The following ZNF208 variants were observed in gnomAD, a reference collection of about 807,000 sequenced individuals.
ZNF208 encodes the protein zinc finger protein 208.
ZNF208 carries 10 observed loss-of-function variants against 12.1 expected under a neutral mutation model. That is an observed-to-expected ratio of 0.83 (90% CI 0.51 to 1.40). The LOEUF is 1.40. Among genes scored for constraint, ZNF208 ranks in the 40% most tolerant of loss-of-function variants. The pLI is 0.00. For synonymous variants in ZNF208, 497 were observed against 488.4 expected, an observed-to-expected ratio of 1.02 and a Z score of -0.23; for missense variants, 1,652 against 1,485.0, an observed-to-expected ratio of 1.11 and a Z score of -1.85.
intron 1 of ZNF208, chr19:21,991,567 C>T (rs1442881905): frequency 6.6e-6 from 1 of 151,552 alleles, no homozygotes; most frequent in African/African-American, 2.4e-5. Flanking sequence ...ATGGAGAAAC[C>T]CTGTCTCCAC....
At chr19:21,975,204 G>A (rs1970406943) in intron 3 of ZNF208, among the ~76,000 whole-genome samples, 1 of 151,832 alleles carries the variant, frequency 6.6e-6, no homozygotes, top group African/African-American at 2.4e-5. Flanking sequence ...TAAAATATTG[G>A]CACAAAAAAT....
In ZNF208 at chr19:21,969,376, C is replaced by T. The variant is rs1023165293; in HGVS notation, c.*1815G>A. On this transcript the variant is annotated 3_prime_UTR_variant, in exon 4 of 4. Coordinates refer to ENST00000397126, the MANE Select transcript of ZNF208 (RefSeq NM_007153.3). ...CTTTTAAAGTTATATACAAATAATT[C>T]TTCTTTTTGCCAACTTTAGTTTTGG... 6.7e-4 allele frequency among the ~76,000 whole-genome samples: 102 copies of T among 152,034 alleles called. No individual in the cohort carries two copies. Among genetic ancestry groups the T allele is most frequent in the African/African-American group, 2.4e-3 (99 of 41,514 alleles).
At chr19:21,982,431 AC>A (rs1970559407) in intron 3 of ZNF208, among the ~76,000 whole-genome samples, 1 of 151,688 alleles carries the variant, frequency 6.6e-6, no homozygotes, top group Non-Finnish European at 1.5e-5. Context: ...AAATGGCCAT[AC>A]TGCCCAAGGT....
chr19:21,974,179 G>T lies in ZNF208; in HGVS notation c.855C>A (p.Asn285Lys). 1 of 1,604,252 alleles carries T rather than the reference G, an allele frequency of 6.2e-7. No homozygotes were observed. Among genetic ancestry groups the T allele is most frequent in the Non-Finnish European group, 8.5e-7 (1 of 1,172,200 alleles). Residue 285 changes from asparagine to lysine, a missense_variant, in exon 4 of 4, where the codon AAC (asparagine) becomes AAA (lysine). Physicochemically the swap from Asn to Lys is moderately conservative, Grantham distance 94 (BLOSUM62 0). Coordinates refer to ENST00000397126, the MANE Select transcript of ZNF208 (RefSeq NM_007153.3). ...HKIIHTGEKP[N>K]KCEECGKAFS... Reference sequence around the variant, plus strand: ...AGGCTTTGCCACATTCTTCACATTTGTTGGGTTTCTCTCCAGTATGAATTA... The same window carrying T: ...AGGCTTTGCCACATTCTTCACATTTTTTGGGTTTCTCTCCAGTATGAATTA...
At chr19:21,963,876 G>C (rs1970118178), downstream of ZNF208, among the ~76,000 whole-genome samples, 1 of 152,002 alleles carries the variant, frequency 6.6e-6, no homozygotes, top group African/African-American at 2.4e-5. Flanking sequence ...ATAGGGAGCT[G>C]ACAAAGAGTA....
intron 4 of ZNF208, among the ~76,000 whole-genome samples, chr19:21,951,232 G>A (rs551017454): frequency 1.5e-4 from 23 of 152,220 alleles, no homozygotes; most frequent in Admixed American, 1.4e-3. Flanking sequence ...TAACTATACT[G>A]GAAGAAGTCA....
At chr19:21,960,168 G>A (rs1970040659) in intron 4 of ZNF208, among the ~76,000 whole-genome samples, 2 of 152,032 alleles carry the variant, frequency 1.3e-5, no homozygotes, top group African/African-American at 4.8e-5. Flanking sequence ...ATTACCAGGG[G>A]CTAGAAAATT....
intron 4 of ZNF208, among the ~76,000 whole-genome samples, chr19:21,949,764 T>A (rs75259020): frequency 5.9e-5 from 9 of 152,166 alleles, no homozygotes; most frequent in Admixed American, 2.0e-4. Flanking sequence ...AGCAAGAAAC[T>A]TGACTTGATG....
downstream of ZNF208, among the ~76,000 whole-genome samples, chr19:21,961,722 C>T (rs1051886779): frequency 4.6e-5 from 7 of 152,032 alleles, no homozygotes; most frequent in Non-Finnish European, 1.0e-4. Context: ...ATAATCCTTG[C>T]TAGGAAAAGA....
Position 22,010,931 on chromosome 19 carries a change from CGA to C in ZNF208, c.-139_-138del, listed in dbSNP as rs1971139659. ...ACGAGACCTTGACCTCCGGCTGCAG[CGA>C]GAGACAAAGGACCGACCACATCCCG... is the stretch of plus-strand genomic sequence containing the variant. On this transcript the variant is annotated 5_prime_UTR_variant, in exon 1 of 4. Transcript: ENST00000397126. The C allele has an allele frequency of 2.2e-6, 3 of 1,336,784 alleles. No homozygotes were observed. The South Asian group carries it at 3.7e-5, about 17-fold the overall frequency. The allele number at this position is 1,336,784 out of a possible 1,614,324, so 82.8% of individuals were successfully genotyped here. A position where few individuals can be genotyped will look rare whatever the true frequency, so the allele number is the denominator to read the frequency against.
In ZNF208 at chr19:21,972,853, G is replaced by T. The variant is rs564057758; in HGVS notation, c.2181C>A (p.Gly727=). The change falls in exon 4 of 4, where the codon GGC becomes GGA. Residue 727 remains glycine (G), a synonymous_variant. Coordinates refer to ENST00000397126, the MANE Select transcript of ZNF208 (RefSeq NM_007153.3). ...GGACTGAGAATGTACTAAAGCTTTT[G>T]CCACATTCTTCACATTTGTAGGGTT... is the stretch of plus-strand genomic sequence containing the variant. ...GEKPYKCEEC[G]KSFSTFSVLT... The T allele has an allele frequency of 6.2e-7, 1 of 1,612,882 alleles. No homozygotes were observed. Among genetic ancestry groups the T allele is most frequent in the East Asian group, 2.2e-5 (1 of 44,790 alleles).
intron 4 of ZNF208, among the ~76,000 whole-genome samples, chr19:21,948,679 T>C (rs1288451104): frequency 6.6e-6 from 1 of 152,152 alleles, no homozygotes; most frequent in African/African-American, 2.4e-5. Context: ...CTGATACATA[T>C]ATAGAGTCTT....
intron 4 of ZNF208, among the ~76,000 whole-genome samples, chr19:21,956,457 A>G (rs981980770): frequency 3.3e-5 from 5 of 152,212 alleles, no homozygotes; most frequent in African/African-American, 1.2e-4. Context: ...AGAGGCAGGC[A>G]GGCCTCCTTG....
downstream of ZNF208, among the ~76,000 whole-genome samples, chr19:21,962,712 T>C (rs534255849): frequency 7.2e-5 from 11 of 152,082 alleles, no homozygotes; most frequent in Non-Finnish European, 1.5e-4. Context: ...TTCTCAGAAA[T>C]AAACAACACT....
At chr19:21,947,284 C>T (rs1446418578) in intron 4 of ZNF208, among the ~76,000 whole-genome samples, 1 of 152,108 alleles carries the variant, frequency 6.6e-6, no homozygotes, top group African/African-American at 2.4e-5. Flanking sequence ...GTTTTTTTCT[C>T]TCCATGTGAA....
intron 3 of ZNF208, among the ~76,000 whole-genome samples, chr19:21,980,095 C>A (rs1250381143): frequency 6.6e-6 from 1 of 151,786 alleles, no homozygotes; most frequent in Non-Finnish European, 1.5e-5. Context: ...TACAGACCTA[C>A]AAAGAGACTT....
At position 21,945,919 on chromosome 19, in the gene ZNF208, T is replaced by G. The variant is rs986574961; in HGVS notation, c.306-12682A>C. Among the ~76,000 whole-genome samples the G allele has an allele frequency of 6.1e-5, 9 of 148,660 alleles. 1 individual carries two copies. The highest frequency in any genetic ancestry group is 3.4e-4 in the Admixed American group (5 of 14,870). On this transcript the variant is annotated intron_variant, in intron 4 of 4. Transcript: ENST00000599916. ...AAAAGCAGCTTGGAAAAAAAAAAGC[T>G]CCAGACACTGTTAAGGGAACTAGCA...
intron 4 of ZNF208, among the ~76,000 whole-genome samples, chr19:21,959,942 ATT>A (rs1358515018): frequency 6.6e-6 from 1 of 152,180 alleles, no homozygotes; most frequent in Non-Finnish European, 1.5e-5. Flanking sequence ...TTGAGCTCAT[ATT>A]TTGTCAGCTT....
chr19:22,001,917 A>AAAAAAAAAAAG (rs1970959917), intron 1 of ZNF208, among the ~76,000 whole-genome samples: 5 of 138,256 alleles, frequency 3.6e-5, no homozygotes, highest in African/African-American at 1.1e-4. Context: ...AAAAAAAAAA[A>AAAAAAAAAAAG]AAAAGAAAAA....
Sources: allele counts gnomAD v4.1 joint callset (sites outside exome capture counted in the v4.1 genomes callset), GRCh38; gene constraint gnomAD v4.1.1; transcripts MANE v1.5; gene names NCBI Gene and HGNC (gene_info 2026-07-23, HGNC 2026-07-21).